The following OR3A2 variants were observed in gnomAD, a reference collection of about 807,000 sequenced individuals.
OR3A2 encodes olfactory receptor 3A2.
For missense variants in OR3A2, 318 were observed against 392.8 expected, an observed-to-expected ratio of 0.81 and a Z score of 1.61; for synonymous variants, 126 against 159.3, an observed-to-expected ratio of 0.79 and a Z score of 1.57.
In OR3A2 at chr17:3,297,705, A is replaced by G. The variant is rs903051808; in HGVS notation, c.-84-18552T>C. ...TTGCATTCTTAATGCCTTGTGTCAC[A>G]CTTTGCATACAGTAGGGTTCAATAT... On this transcript the variant is annotated intron_variant, in intron 3 of 4. Transcript: ENST00000573491. Among the ~76,000 whole-genome samples the G allele has an allele frequency of 3.3e-5, 5 of 152,096 alleles. 1 individual carries two copies. Among genetic ancestry groups the G allele is most frequent in the African/African-American group, 1.2e-4 (5 of 41,368 alleles).
intron 2 of OR3A2, among the ~76,000 whole-genome samples, chr17:3,371,443 C>T (rs1462896938): frequency 2.1e-5 from 3 of 145,824 alleles, no homozygotes; most frequent in Admixed American, 6.7e-5. Flanking sequence ...ACCTCCCTCC[C>T]GGACGGGGTG....
At chr17:3,347,499 G>C (rs991103239) in intron 2 of OR3A2, among the ~76,000 whole-genome samples, 3 of 152,024 alleles carry the variant, frequency 2.0e-5, no homozygotes, top group Non-Finnish European at 4.4e-5. Flanking sequence ...GCGGTGTTTG[G>C]TTTTTTGTTC....
intron 2 of OR3A2, among the ~76,000 whole-genome samples, chr17:3,348,247 T>A (rs1048089503): frequency 6.6e-6 from 1 of 152,204 alleles, no homozygotes; most frequent in African/African-American, 2.4e-5. Flanking sequence ...CTCTTTAGTT[T>A]AATTAGATCC....
intron 2 of OR3A2, among the ~76,000 whole-genome samples, chr17:3,338,407 C>T (rs998058044): frequency 3.3e-5 from 5 of 152,026 alleles, no homozygotes; most frequent in Non-Finnish European, 5.9e-5. Flanking sequence ...GGTTTTAGGC[C>T]TAATATTTAA....
At chr17:3,278,759 C>G (rs1316229173) in exon 2 of OR3A2, 1 of 1,403,346 alleles carries the variant, frequency 7.1e-7, no homozygotes, top group Non-Finnish European at 9.7e-7. Flanking sequence ...TGGGCTCCAC[C>G]AAGACGGCTG....
At chr17:3,373,534 T>A (rs1383737498) in intron 2 of OR3A2, among the ~76,000 whole-genome samples, 1 of 152,234 alleles carries the variant, frequency 6.6e-6, no homozygotes, top group Non-Finnish European at 1.5e-5. Context: ...ATCCTTTTTA[T>A]CATTATATAA....
At chr17:3,359,025 T>C (rs558037876) in intron 2 of OR3A2, among the ~76,000 whole-genome samples, 14 of 151,976 alleles carry the variant, frequency 9.2e-5, no homozygotes, top group African/African-American at 1.7e-4. Flanking sequence ...CCCTTTACCA[T>C]TGTGTAGTGT....
At chr17:3,335,604 G>A (rs1324234178) in intron 3 of OR3A2, among the ~76,000 whole-genome samples, 1 of 151,926 alleles carries the variant, frequency 6.6e-6, no homozygotes, top group African/African-American at 2.4e-5. Flanking sequence ...GGCTCAAATT[G>A]TTACACAATA....
At chr17:3,344,213 C>T (rs1019852146) in intron 2 of OR3A2, among the ~76,000 whole-genome samples, 1 of 152,168 alleles carries the variant, frequency 6.6e-6, no homozygotes, top group Non-Finnish European at 1.5e-5. Context: ...TTTATTTCTT[C>T]ACTGCTGGCT....
intron 3 of OR3A2, among the ~76,000 whole-genome samples, chr17:3,332,895 C>G (rs1327336917): frequency 6.6e-6 from 1 of 152,122 alleles, no homozygotes; most frequent in Admixed American, 6.6e-5. Context: ...CACTATTGTA[C>G]AAACTGATTG....
intron 3 of OR3A2, among the ~76,000 whole-genome samples, chr17:3,330,036 T>C (rs1314722230): frequency 6.8e-6 from 1 of 147,452 alleles, no homozygotes; most frequent in East Asian, 1.9e-4. Flanking sequence ...GTGAGATTCT[T>C]AATCCTGAGT....
intron 2 of OR3A2, among the ~76,000 whole-genome samples, chr17:3,347,032 T>G (rs145834337): frequency 6.6e-6 from 1 of 152,288 alleles, no homozygotes; most frequent in East Asian, 1.9e-4. Context: ...TATATTGATT[T>G]TCTTTCATTT....
At chr17:3,348,415 G>C (rs1263001777) in intron 2 of OR3A2, among the ~76,000 whole-genome samples, 2 of 152,110 alleles carry the variant, frequency 1.3e-5, no homozygotes, top group African/African-American at 2.4e-5. Flanking sequence ...CGATCAACTG[G>C]AAGAAAGGGT....
At chr17:3,320,860 G>A (rs1172937135) in intron 3 of OR3A2, among the ~76,000 whole-genome samples, 2 of 151,852 alleles carry the variant, frequency 1.3e-5, no homozygotes, top group African/African-American at 2.4e-5. Flanking sequence ...TTGGCGGTGC[G>A]GGCTCTTTTT....
intron 3 of OR3A2, among the ~76,000 whole-genome samples, chr17:3,321,846 G>T (rs569094595): frequency 0.15 from 22,821 of 151,784 alleles, 2,285 homozygotes; most frequent in African/African-American, 0.28. Context: ...ATTATCTTTT[G>T]TGGTTGTGTC....
intron 2 of OR3A2, among the ~76,000 whole-genome samples, chr17:3,360,690 CTTGT>C (rs1290176543): frequency 8.6e-5 from 13 of 151,648 alleles, no homozygotes; most frequent in Admixed American, 4.6e-4. Flanking sequence ...TTCCCCATTG[CTTGT>C]TTTTCTCAGG....
intron 3 of OR3A2, among the ~76,000 whole-genome samples, chr17:3,335,070 A>G (rs1038901427): frequency 5.3e-5 from 8 of 152,130 alleles, no homozygotes; most frequent in African/African-American, 1.9e-4. Context: ...TTTTCTGCTT[A>G]TGAGTGAAGC....
intron 2 of OR3A2, among the ~76,000 whole-genome samples, chr17:3,375,313 T>TC (rs2049674451): frequency 6.8e-6 from 1 of 146,940 alleles, no homozygotes; most frequent in Admixed American, 6.8e-5. Context: ...TTTTTTTTTT[T>TC]TTTCTTTTTG....
intron 2 of OR3A2, among the ~76,000 whole-genome samples, chr17:3,349,825 A>G (rs990636021): frequency 6.6e-6 from 1 of 152,118 alleles, no homozygotes; most frequent in African/African-American, 2.4e-5. Flanking sequence ...AAATTATAAC[A>G]AACTATCTCT....
Sources: allele counts gnomAD v4.1 joint callset (sites outside exome capture counted in the v4.1 genomes callset), GRCh38; gene constraint gnomAD v4.1.1; transcripts MANE v1.5; gene names NCBI Gene and HGNC (gene_info 2026-07-23, HGNC 2026-07-21).